Variants in MAF observed in about 807,000 individuals in gnomAD.
MAF encodes the protein transcription factor Maf.
Under a neutral mutation model 22.0 loss-of-function variants are expected in MAF, and 10 were observed. That is an observed-to-expected ratio of 0.45 (90% CI 0.28 to 0.77). MAF has a LOEUF of 0.77. Among genes scored for constraint, MAF ranks in the 30% least tolerant of loss-of-function variants. The pLI is 0.12. For missense variants in MAF, 544 were observed against 548.4 expected, an observed-to-expected ratio of 0.99 and a Z score of 0.08; for synonymous variants, 337 against 255.8, an observed-to-expected ratio of 1.32 and a Z score of -3.03.
chr16:79,306,523 T>C, the MAF span, among the ~76,000 whole-genome samples: 4,479 of 152,244 alleles, frequency 0.029, 243 homozygotes, highest in African/African-American at 0.1. Flanking sequence ...CAAGGTATTA[T>C]GAGATGTAAT....
chr16:79,373,171 G>A, the MAF span, among the ~76,000 whole-genome samples: 1 of 152,010 alleles, frequency 6.6e-6, no homozygotes. Flanking sequence ...ATAGCACCTA[G>A]TAGCATAGGG....
the MAF span, among the ~76,000 whole-genome samples, chr16:79,395,691 A>G: frequency 6.6e-6 from 1 of 152,226 alleles, no homozygotes; most frequent in Non-Finnish European, 1.5e-5. Flanking sequence ...AGAGTCTCCA[A>G]AAAGCAACAA....
the MAF span, among the ~76,000 whole-genome samples, chr16:79,481,372 A>AT: frequency 3.3e-5 from 5 of 151,994 alleles, no homozygotes; most frequent in Non-Finnish European, 7.4e-5. Context: ...AATTTAGAAC[A>AT]TTTTTACCAC....
chr16:79,231,176 G>A, the MAF span, among the ~76,000 whole-genome samples: 1 of 152,010 alleles, frequency 6.6e-6, no homozygotes, highest in Admixed American at 6.6e-5. Context: ...TGGGGACCAG[G>A]AAGCTCAAAG....
the MAF span, among the ~76,000 whole-genome samples, chr16:79,477,616 A>G: frequency 6.6e-6 from 1 of 152,316 alleles, no homozygotes; most frequent in East Asian, 1.9e-4. Context: ...TGTTTCCTTA[A>G]TCAACCCTGG....
At chr16:79,487,866 C>G in the MAF span, among the ~76,000 whole-genome samples, 1 of 152,174 alleles carries the variant, frequency 6.6e-6, no homozygotes, top group Non-Finnish European at 1.5e-5. Context: ...GCTTTCATCT[C>G]TGCGTATGGA....
chr16:79,365,859 C>G, the MAF span, among the ~76,000 whole-genome samples: 17 of 152,222 alleles, frequency 1.1e-4, no homozygotes, highest in African/African-American at 3.9e-4. Context: ...AATGTTAAGA[C>G]AATGTGTTTC....
chr16:79,333,871 C>T, the MAF span, among the ~76,000 whole-genome samples: 50 of 152,236 alleles, frequency 3.3e-4, no homozygotes, highest in African/African-American at 1.2e-3. Context: ...CCCAACACCT[C>T]ACCTGGATCT....
the MAF span, among the ~76,000 whole-genome samples, chr16:79,321,649 T>C: frequency 3.2e-4 from 16 of 50,118 alleles, no homozygotes; most frequent in African/African-American, 8.9e-4. Context: ...CTTTTTCTTT[T>C]TTTTTTTTTT....
the MAF span, among the ~76,000 whole-genome samples, chr16:79,293,863 G>A: frequency 6.9e-6 from 1 of 145,196 alleles, no homozygotes; most frequent in Non-Finnish European, 1.5e-5. Flanking sequence ...GAGAGAGAGA[G>A]AGAGAGAAAG....
chr16:79,233,108 G>A, the MAF span, among the ~76,000 whole-genome samples: 2 of 151,818 alleles, frequency 1.3e-5, no homozygotes, highest in Non-Finnish European at 2.9e-5. Flanking sequence ...CCAAAGTGCT[G>A]GGATTATAGG....
chr16:79,284,005 GATT>G, the MAF span, among the ~76,000 whole-genome samples: 2 of 1,978 alleles, frequency 1.0e-3, no homozygotes, highest in Admixed American at 0.011. Flanking sequence ...CCATAGTAGT[GATT>G]GATGGCAGAA....
chr16:79,420,755 C>G, the MAF span, among the ~76,000 whole-genome samples: 1 of 152,248 alleles, frequency 6.6e-6, no homozygotes, highest in East Asian at 1.9e-4. Flanking sequence ...TGAGGCTTGA[C>G]GCGGTGGCTC....
At chr16:79,219,700 C>A in the MAF span, among the ~76,000 whole-genome samples, 1 of 152,088 alleles carries the variant, frequency 6.6e-6, no homozygotes, top group South Asian at 2.1e-4. Context: ...ACTCCAAGGC[C>A]ATTTGTCTCT....
the MAF span, among the ~76,000 whole-genome samples, chr16:79,235,347 G>GT: frequency 6.6e-6 from 1 of 152,008 alleles, no homozygotes; most frequent in African/African-American, 2.4e-5. Flanking sequence ...GAAGCCAGGA[G>GT]TTTGAGGCAA....
the MAF span, among the ~76,000 whole-genome samples, chr16:79,369,178 G>C: frequency 3.6e-4 from 55 of 152,322 alleles, 1 homozygote; most frequent in East Asian, 0.01. Flanking sequence ...AGAGAAGTTA[G>C]TTGCCCAGAG....
chr16:79,423,162 C>G, the MAF span, among the ~76,000 whole-genome samples: 1 of 152,090 alleles, frequency 6.6e-6, no homozygotes, highest in African/African-American at 2.4e-5. Flanking sequence ...TAAGCATATC[C>G]CAAATATTGC....
the MAF span, among the ~76,000 whole-genome samples, chr16:79,305,837 G>A: frequency 2.6e-5 from 4 of 152,308 alleles, no homozygotes; most frequent in East Asian, 1.9e-4. Flanking sequence ...GGAGAATCAC[G>A]TTGCCAGACC....
At chr16:79,422,757 A>T in the MAF span, among the ~76,000 whole-genome samples, 2 of 152,176 alleles carry the variant, frequency 1.3e-5, no homozygotes, top group Non-Finnish European at 2.9e-5. Context: ...TCCAGTTACC[A>T]TTCTATTATG....
Sources: gnomAD v4.1 joint callset for allele counts (sites outside exome capture counted in the v4.1 genomes callset) on GRCh38, gnomAD v4.1.1 for gene constraint, MANE v1.5 for transcripts, NCBI Gene and HGNC (gene_info 2026-07-23, HGNC 2026-07-21) for gene names.